Variants in AAAS observed in about 807,000 individuals in gnomAD.
The protein encoded by AAAS is aladin.
A neutral mutation model predicts 75.6 loss-of-function variants in AAAS; 60 were observed. The observed-to-expected ratio is 0.79, with a 90% CI of 0.64 to 0.98. AAAS has a LOEUF of 0.98. Among genes scored for constraint, AAAS ranks in the 50% least tolerant of loss-of-function variants. The pLI is 0.00. For synonymous variants in AAAS, 271 were observed against 265.0 expected, an observed-to-expected ratio of 1.02 and a Z score of -0.22; for missense variants, 658 against 686.9, an observed-to-expected ratio of 0.96 and a Z score of 0.47.
chr12:53,318,617 AC>A (rs1592522711), intron 2 of AAAS, among the ~76,000 whole-genome samples: 1 of 152,096 alleles, frequency 6.6e-6, no homozygotes, highest in East Asian at 1.9e-4. Flanking sequence ...CCATCTATCT[AC>A]CCCAGAACCT....
intron 6 of AAAS, 63 bp from the exon 7 acceptor site, chr12:53,314,504 G>A: frequency 2.5e-6 from 4 of 1,606,498 alleles, no homozygotes; most frequent in African/African-American, 1.3e-5. Context: ...GGACCAGAGT[G>A]CAGTTAAGGA....
chr12:53,321,454 C>T lies in AAAS; in HGVS notation c.12G>A (p.Leu4=). The stretch of plus-strand genomic sequence containing the variant: ...GAGGCGGTGGAGGAGGGAACAACCC[C>T]AGAGAGCACATCTTGCCGGTTCGCA... The part of the protein sequence containing the change: MCS[L]GLFPPPPPRG... The change falls in exon 1 of 16, where the codon CTG becomes CTA. Residue 4 remains leucine, a synonymous_variant. Coordinates refer to ENST00000209873, the MANE Select transcript of AAAS (RefSeq NM_015665.6). 1 of 1,614,176 alleles carries T rather than the reference C, an allele frequency of 6.2e-7. No homozygotes were observed. Among genetic ancestry groups the T allele is most frequent in the Non-Finnish European group, 8.5e-7 (1 of 1,180,028 alleles).
chr12:53,318,255 T>TGTGC (rs1408127550), intron 2 of AAAS, among the ~76,000 whole-genome samples: 2 of 98,718 alleles, frequency 2.0e-5, no homozygotes, highest in East Asian at 4.2e-4. Context: ...CGTGTGTGTG[T>TGTGC]GTGTGTGTGT....
chr12:53,321,345 G>A lies in AAAS; in HGVS notation c.121C>T (p.Gln41Ter), dbSNP rs772252457. ...YESPPPDFRG[Q>*]WINLPVLQLT... ...CCCTCCCTCCTCGCCCTGGCCACCTGGCCCCGGAAGTCGGGGGGCGGGCTC... is the reference window on the plus strand; with the variant it reads ...CCCTCCCTCCTCGCCCTGGCCACCTAGCCCCGGAAGTCGGGGGGCGGGCTC... Residue 41 changes from glutamine (Q) to a stop codon, truncating the protein, a stop_gained and splice_region_variant, in exon 1 of 16, where the codon CAG (glutamine) becomes TAG (stop). Transcript: ENST00000209873. LOFTEE classifies it high-confidence loss of function. The A allele has an allele frequency of 6.2e-7, 1 of 1,613,662 alleles. No individual in the cohort carries two copies. Among genetic ancestry groups the A allele is most frequent in the Admixed American group, 1.7e-5 (1 of 60,030 alleles).
Position 53,309,018 on chromosome 12 carries a change from ACT to A in AAAS, c.936_937del (p.Val313LeufsTer9), listed in dbSNP as rs1592513048. The A allele has an allele frequency of 1.2e-6, 2 of 1,614,036 alleles. No individual in the cohort carries two copies. Among genetic ancestry groups the A allele is most frequent in the East Asian group, 2.2e-5 (1 of 44,886 alleles). On this transcript the variant is annotated frameshift_variant and splice_region_variant, in exon 10 of 16. Transcript: ENST00000209873. LOFTEE classifies it high-confidence loss of function. ...ACAAGTCCACATCTGGGCCTCCCAG[ACT>A]CTGAGCCAGAGAAAAGCAAATTACA...
intron 7 of AAAS, among the ~76,000 whole-genome samples, chr12:53,311,411 G>A (rs1263980894): frequency 1.3e-5 from 2 of 152,054 alleles, no homozygotes; most frequent in African/African-American, 2.4e-5. Flanking sequence ...ATAGGCGCAC[G>A]CCACCACACC....
rs1317990928 is a variant in AAAS at position 53,307,590 on chromosome 12, C to T, written c.1540G>A (p.Asp514Asn). The change falls in exon 16 of 16, where the codon GAC becomes AAC. Residue 514 changes from aspartate (D) to asparagine (N), a missense_variant. Coordinates refer to ENST00000209873, the MANE Select transcript of AAAS (RefSeq NM_015665.6). The part of the protein sequence containing the change: ...PPAGGGGSIH[D>N]LPLFTETSPT... ...GATGTCTCAGTAAAGAGGGGCAGGT[C>T]ATGAATAGAGCCTCCACCCCCAGCA... 1 of 1,614,184 alleles carries T rather than the reference C, an allele frequency of 6.2e-7. No homozygotes were observed. Among genetic ancestry groups the T allele is most frequent in the African/African-American group, 1.3e-5 (1 of 75,066 alleles).
At chr12:53,310,290 T>C (rs1183592723) in intron 7 of AAAS, among the ~76,000 whole-genome samples, 1 of 152,242 alleles carries the variant, frequency 6.6e-6, no homozygotes, top group Non-Finnish European at 1.5e-5. Context: ...CTGGGCGCAG[T>C]GGCTCACGCC....
chr12:53,320,701 CA>C lies in AAAS; in HGVS notation c.124-10del, dbSNP rs1346284624. The C allele has an allele frequency of 6.2e-7, 1 of 1,613,944 alleles. No homozygotes were observed. Among genetic ancestry groups the C allele is most frequent in the Non-Finnish European group, 8.5e-7 (1 of 1,179,890 alleles). ...ACAGGAAGATTGATCCACTATAGCA[CA>C]AAAGTGAGGAGTGTGACGGTGATTC... On this transcript the variant is annotated splice_polypyrimidine_tract_variant and intron_variant, in intron 1 of 15. Transcript: ENST00000209873.
Position 53,315,389 on chromosome 12 carries a change from C to T in AAAS, c.345G>A (p.Leu115=). The change falls in exon 4 of 16, where the codon CTG becomes CTA. Residue 115 remains leucine (L), a synonymous_variant. Transcript: ENST00000209873. ...EWVKTASGWA[L]ALCRWASSLH... ...GGGAAGAGGCCCATCGACAGAGTGCCAGGGCCCAGCCGGATGCCGTCTTCA... is the reference window on the plus strand; with the variant it reads ...GGGAAGAGGCCCATCGACAGAGTGCTAGGGCCCAGCCGGATGCCGTCTTCA... The T allele has an allele frequency of 6.2e-7, 1 of 1,613,958 alleles. No homozygotes were observed. The highest frequency in any genetic ancestry group is 8.5e-7 in the Non-Finnish European group (1 of 1,180,032).
At chr12:53,320,785 T>C (rs1944541680) in intron 1 of AAAS, 93 bp from the exon 2 acceptor site, 2 of 1,451,330 alleles carry the variant, frequency 1.4e-6, no homozygotes, top group African/African-American at 2.8e-5. Flanking sequence ...GGGCTAAGTA[T>C]AAGAGATTCC....
In AAAS at chr12:53,307,881, G is replaced by A. The variant is rs747870235; in HGVS notation, c.1380C>T (p.Phe460=). ...EPGAQPQLIT[F]HPSFNKGALL... ...GGGCCCCTTTGTTGAAGGAAGGATG[G>A]AAAGTGATGAGCTGGGGCTGGGCTC... Residue 460 remains phenylalanine, a synonymous_variant, in exon 15 of 16, where the codon TTC becomes TTT. Transcript: ENST00000209873. The A allele has an allele frequency of 6.2e-7, 1 of 1,614,228 alleles. No individual in the cohort carries two copies. Among genetic ancestry groups the A allele is most frequent in the Non-Finnish European group, 8.5e-7 (1 of 1,180,046 alleles).
In AAAS at chr12:53,321,547, G is replaced by A. The variant is rs575921039; in HGVS notation, c.-82C>T. 2 of 1,606,024 alleles carry A rather than the reference G, an allele frequency of 1.2e-6. No homozygotes were observed. Among genetic ancestry groups the A allele is most frequent in the East Asian group, 4.5e-5 (2 of 44,846 alleles). On this transcript the variant is annotated 5_prime_UTR_variant, in exon 1 of 16. Coordinates refer to ENST00000209873, the MANE Select transcript of AAAS (RefSeq NM_015665.6). The stretch of plus-strand genomic sequence containing the variant: ...CCGCACTCCCGCAACTCGGTTCCCG[G>A]GCTAGATTCGTATGCGGACGGGTAC...
rs774292706 is a variant in AAAS, at chr12:53,308,834, A to C, written c.997-19T>G. 6.2e-6 allele frequency: 10 copies of C among 1,613,764 alleles called. No individual in the cohort carries two copies. Among genetic ancestry groups the C allele is most frequent in the Non-Finnish European group, 8.5e-6 (10 of 1,179,996 alleles). ...AGCCAGTCTGGGGTCAGGGAGCAAAAGGCAGGAGAAGGTATGTCTATAGTA... is the reference window on the plus strand; with the variant it reads ...AGCCAGTCTGGGGTCAGGGAGCAAACGGCAGGAGAAGGTATGTCTATAGTA... On this transcript the variant is annotated intron_variant, in intron 10 of 15. Transcript: ENST00000209873.
At chr12:53,318,530 A>G (rs1208840530) in intron 2 of AAAS, among the ~76,000 whole-genome samples, 1 of 152,116 alleles carries the variant, frequency 6.6e-6, no homozygotes, top group South Asian at 2.1e-4. Flanking sequence ...GCATTTTTAG[A>G]TGAGAGAACA....
chr12:53,318,766 G>A (rs1194411618), intron 2 of AAAS, among the ~76,000 whole-genome samples: 1 of 152,162 alleles, frequency 6.6e-6, no homozygotes, highest in Admixed American at 6.5e-5. Flanking sequence ...AAATATTCAA[G>A]CAGGATAATT....
chr12:53,321,496 C>A lies in AAAS; in HGVS notation c.-31G>T. On this transcript the variant is annotated 5_prime_UTR_variant, in exon 1 of 16. Coordinates refer to ENST00000209873, the MANE Select transcript of AAAS (RefSeq NM_015665.6). The stretch of plus-strand genomic sequence containing the variant: ...CGGTTCGCAGGACGTCTGCAGTCGG[C>A]AAACTCCTGGCCGGAACGGCACAGA... The A allele has an allele frequency of 6.2e-7, 1 of 1,613,190 alleles. No homozygotes were observed. The highest frequency in any genetic ancestry group is 2.2e-5 in the East Asian group (1 of 44,886).
Position 53,307,467 on chromosome 12 carries a change from CA to C in AAAS, c.*21del. The C allele has an allele frequency of 1.3e-6, 2 of 1,597,226 alleles. No individual in the cohort carries two copies. Among genetic ancestry groups the C allele is most frequent in the East Asian group, 2.2e-5 (1 of 44,608 alleles). On this transcript the variant is annotated 3_prime_UTR_variant, in exon 16 of 16. Coordinates refer to ENST00000209873, the MANE Select transcript of AAAS (RefSeq NM_015665.6). ...GACAGACTGGTAACTGAGTGGAAAACAAAAGGAAAACTTATTTATTCTTAGA... is the reference window on the plus strand; with the variant it reads ...GACAGACTGGTAACTGAGTGGAAAACAAAGGAAAACTTATTTATTCTTAGA...
rs376736311 is a variant in AAAS, at chr12:53,321,513, C to T, written c.-48G>A. On this transcript the variant is annotated 5_prime_UTR_variant, in exon 1 of 16. Coordinates refer to ENST00000209873, the MANE Select transcript of AAAS (RefSeq NM_015665.6). ...GCAGTCGGCAAACTCCTGGCCGGAA[C>T]GGCACAGACCGCACTCCCGCAACTC... 2.5e-6 allele frequency: 4 copies of T among 1,611,768 alleles called. No individual in the cohort carries two copies. The African/African-American group carries it at 5.3e-5, about 22-fold the overall frequency.
Sources: gnomAD v4.1 joint callset for allele counts (sites outside exome capture counted in the v4.1 genomes callset) on GRCh38, gnomAD v4.1.1 for gene constraint, MANE v1.5 for transcripts, NCBI Gene and HGNC (gene_info 2026-07-23, HGNC 2026-07-21) for gene names.